The following STOX1 variants were observed in gnomAD, a reference collection of about 807,000 sequenced individuals.
The protein encoded by STOX1 is storkhead-box protein 1.
In STOX1, 57 loss-of-function variants were observed where a neutral mutation model predicts 74.8. The ratio of observed to expected loss-of-function variants is 0.76; its 90% confidence interval spans 0.62 to 0.95. The LOEUF is 0.95. Among genes scored for constraint, STOX1 ranks in the 40% least tolerant of loss-of-function variants. STOX1 has a pLI of 0.00. For synonymous variants in STOX1, 375 were observed against 401.3 expected (o/e 0.93, Z 0.78); for missense variants, 1,010 against 1,117.0 (o/e 0.90, Z 1.37).
intron 1 of STOX1, among the ~76,000 whole-genome samples, chr10:68,840,836 T>C (rs971366138): frequency 1.3e-5 from 2 of 152,000 alleles, no homozygotes; most frequent in Admixed American, 1.3e-4. Context: ...GCTGGGATTA[T>C]AGGCATGAGC....
intron 1 of STOX1, among the ~76,000 whole-genome samples, chr10:68,853,009 ACCT>A (rs2133541346): frequency 6.8e-6 from 1 of 147,578 alleles, no homozygotes; most frequent in South Asian, 2.2e-4. Context: ...TGCAACCTTC[ACCT>A]CCTGGGTTCA....
At chr10:68,891,274 A>G (rs992970439) in intron 3 of STOX1, among the ~76,000 whole-genome samples, 51 of 152,204 alleles carry the variant, frequency 3.4e-4, no homozygotes, top group African/African-American at 1.2e-3. Context: ...GGGGATAGAG[A>G]TGAACAAGAC....
chr10:68,887,875 G>C lies in STOX1; in HGVS notation c.2822+1257G>C, dbSNP rs180911934. Among the ~76,000 whole-genome samples the C allele has an allele frequency of 8.2e-4, 125 of 152,198 alleles. 1 individual carries two copies. The highest frequency in any genetic ancestry group is 6.8e-3 in the Middle Eastern group (2 of 294). On this transcript the variant is annotated intron_variant, in intron 3 of 3. Coordinates refer to ENST00000298596, the MANE Select transcript of STOX1 (RefSeq NM_152709.5). ...CTCCCAAAGTGCTGCAATTACAGGCGTGAGCTGCCATGCCCGGCCTCCACT... is the reference window on the plus strand; with the variant it reads ...CTCCCAAAGTGCTGCAATTACAGGCCTGAGCTGCCATGCCCGGCCTCCACT...
At chr10:68,848,148 A>G (rs575592638) in intron 1 of STOX1, among the ~76,000 whole-genome samples, 22 of 147,714 alleles carry the variant, frequency 1.5e-4, no homozygotes, top group African/African-American at 4.9e-4. Context: ...CCTGGGTGCC[A>G]GGTGGGAGAT....
intron 1 of STOX1, among the ~76,000 whole-genome samples, chr10:68,866,937 C>T (rs1020255733): frequency 4.1e-5 from 6 of 146,484 alleles, no homozygotes; most frequent in African/African-American, 7.7e-5. Context: ...TGGACCAATG[C>T]TTTCCTTGTT....
rs148433240 is a variant in STOX1, at chr10:68,877,346, T to C, written c.311-4612T>C. Among the ~76,000 whole-genome samples, 367 of 152,324 alleles carry C rather than the reference T, an allele frequency of 2.4e-3. 1 individual carries two copies. The highest frequency in any genetic ancestry group is 8.5e-3 in the African/African-American group (355 of 41,574). ...GATTTGGCAAACAGTGTTAGGGTTG[T>C]TTTAAAAAGGTGGGGTTTGAAAAAT... On this transcript the variant is annotated intron_variant, in intron 1 of 3. Coordinates refer to ENST00000298596, the MANE Select transcript of STOX1 (RefSeq NM_152709.5).
chr10:68,864,734 T>G (rs1365124700), intron 1 of STOX1, among the ~76,000 whole-genome samples: 1 of 152,230 alleles, frequency 6.6e-6, no homozygotes, highest in Non-Finnish European at 1.5e-5. Flanking sequence ...TATTTGGGCC[T>G]TATGGACTTG....
At chr10:68,828,412 C>G (rs977211003) in intron 1 of STOX1, 5 of 600,262 alleles carry the variant, frequency 8.3e-6, no homozygotes, top group Non-Finnish European at 9.0e-6. Context: ...GTTGGGCGGC[C>G]GGTCCGGGGG....
rs772376507 is a variant in STOX1 at position 68,886,217 on chromosome 10, T to C, written c.2421T>C (p.Ala807=). The part of the protein sequence containing the change: ...NECYKPTGLH[A]TPGESQEPNL... ...GCTACAAACCCACTGGGCTGCATGC[T>C]ACCCCAGGTGAAAGCCAAGAACCTA... Residue 807 remains alanine (A), a synonymous_variant, in exon 3 of 4, where the codon GCT becomes GCC. Transcript: ENST00000298596. 2 of 1,614,216 alleles carry C rather than the reference T, an allele frequency of 1.2e-6. No individual in the cohort carries two copies. The highest frequency in any genetic ancestry group is 8.5e-7 in the Non-Finnish European group (1 of 1,180,034).
intron 1 of STOX1, among the ~76,000 whole-genome samples, chr10:68,870,021 T>G (rs1840498414): frequency 6.6e-6 from 1 of 152,102 alleles, no homozygotes; most frequent in Non-Finnish European, 1.5e-5. Flanking sequence ...TGGCCCCCAG[T>G]ATAGGACTTG....
chr10:68,873,826 T>C (rs1589232286), intron 1 of STOX1, among the ~76,000 whole-genome samples: 1 of 150,736 alleles, frequency 6.6e-6, no homozygotes, highest in Non-Finnish European at 1.5e-5. Flanking sequence ...AATTTTTGTA[T>C]TTTTAGTAGA....
rs1840900570 is a variant in STOX1 at position 68,884,872 on chromosome 10, A to G, written c.1076A>G (p.His359Arg). Residue 359 changes from histidine (H) to arginine (R), a missense_variant, in exon 3 of 4, where the codon CAT becomes CGT. By Grantham distance (29) the His-to-Arg change is conservative. Coordinates refer to ENST00000298596, the MANE Select transcript of STOX1 (RefSeq NM_152709.5). ...DLDNIPRDVEHEIIKRINPIL... is the reference protein window; with the variant it reads ...DLDNIPRDVEREIIKRINPIL... ...GACAATATCCCTCGAGATGTTGAAC[A>G]TGAGATAATCAAACGAATTAACCCC... 6.2e-7 allele frequency: 1 copy of G among 1,614,056 alleles called. No individual in the cohort carries two copies. Among genetic ancestry groups the G allele is most frequent in the Non-Finnish European group, 8.5e-7 (1 of 1,179,938 alleles).
intron 1 of STOX1, among the ~76,000 whole-genome samples, chr10:68,845,451 T>G (rs1390387588): frequency 6.6e-6 from 1 of 151,292 alleles, no homozygotes; most frequent in African/African-American, 2.4e-5. Context: ...TTTTTTTGTA[T>G]TTTTAGTAGA....
At chr10:68,892,511 A>G in intron 3 of STOX1, 78 bp from the exon 4 acceptor site, 3 of 1,360,188 alleles carry the variant, frequency 2.2e-6, no homozygotes, top group Non-Finnish European at 3.1e-6. Flanking sequence ...TCAAAGTAGC[A>G]AATGGAAGTA....
rs554823164 is a variant in STOX1 at position 68,849,910 on chromosome 10, C to T, written c.310+21977C>T. On this transcript the variant is annotated intron_variant, in intron 1 of 3. Transcript: ENST00000298596. Reference sequence around the variant, plus strand: ...ACTCTTCACAACCCTAAGAAAGATACGGCTTGCCCTTTAAATGGTAATTGT... The same window carrying T: ...ACTCTTCACAACCCTAAGAAAGATATGGCTTGCCCTTTAAATGGTAATTGT... Among the ~76,000 whole-genome samples the T allele has an allele frequency of 1.3e-3, 200 of 152,274 alleles. 1 individual carries two copies. The highest frequency in any genetic ancestry group is 3.4e-3 in the Middle Eastern group (1 of 294).
rs1055207622 is a variant in STOX1, at chr10:68,864,080, G to A, written c.311-17878G>A. Reference sequence around the variant, plus strand: ...GCTGGGACTATAGGCACCCGCCACCGCACCAGCTAATTTTTTTGTATTTTT... The same window carrying A: ...GCTGGGACTATAGGCACCCGCCACCACACCAGCTAATTTTTTTGTATTTTT... On this transcript the variant is annotated intron_variant, in intron 1 of 3. Coordinates refer to ENST00000298596, the MANE Select transcript of STOX1 (RefSeq NM_152709.5). 5.3e-5 allele frequency among the ~76,000 whole-genome samples: 8 copies of A among 152,032 alleles called. No homozygotes were observed. The South Asian group carries it at 1.0e-3, about 20-fold the overall frequency.
chr10:68,889,295 T>G lies in STOX1; in HGVS notation c.2822+2677T>G, dbSNP rs181465173. Among the ~76,000 whole-genome samples the G allele has an allele frequency of 3.5e-3, 535 of 152,242 alleles. 2 individuals are homozygous for G. The highest frequency in any genetic ancestry group is 0.012 in the African/African-American group (508 of 41,544). On this transcript the variant is annotated intron_variant, in intron 3 of 3. Coordinates refer to ENST00000298596, the MANE Select transcript of STOX1 (RefSeq NM_152709.5). ...CATCAGGCTAATTAAAAAGTTTTTT[T>G]GATCACTTCTCGGCCTTTTGGCTAA...
At chr10:68,894,281 G>A (rs1451795806), downstream of STOX1, among the ~76,000 whole-genome samples, 2 of 151,978 alleles carry the variant, frequency 1.3e-5, no homozygotes, top group African/African-American at 2.4e-5. Context: ...GGCTAGTCTC[G>A]AACTCCTGAC....
At chr10:68,843,629 C>T (rs1178981587) in intron 1 of STOX1, among the ~76,000 whole-genome samples, 1 of 152,106 alleles carries the variant, frequency 6.6e-6, no homozygotes, top group Non-Finnish European at 1.5e-5. Flanking sequence ...CAACCTCTGC[C>T]TCCCTGCAAC....
Sources: gnomAD v4.1 joint callset for allele counts (sites outside exome capture counted in the v4.1 genomes callset) on GRCh38, gnomAD v4.1.1 for gene constraint, MANE v1.5 for transcripts, NCBI Gene and HGNC (gene_info 2026-07-23, HGNC 2026-07-21) for gene names.